Variants in GPR89B observed in about 807,000 individuals in gnomAD.
GPR89B encodes golgi pH regulator B.
In GPR89B, 25 loss-of-function variants were observed where a neutral mutation model predicts 52.4. That is an observed-to-expected ratio of 0.48 (90% CI 0.35 to 0.67). GPR89B has a LOEUF of 0.67. Among genes scored for constraint, GPR89B ranks in the 30% least tolerant of loss-of-function variants. The pLI is 0.01. For synonymous variants in GPR89B, 52 were observed against 151.2 expected (o/e 0.34, Z 4.81); for missense variants, 146 against 450.2 (o/e 0.32, Z 6.11).
chr1:147,928,671 C>G lies in GPR89B; in HGVS notation c.42+93C>G, dbSNP rs587742123. 735 of 1,542,810 alleles carry G rather than the reference C, an allele frequency of 4.8e-4. 13 individuals are homozygous for G. In the South Asian group the frequency reaches 8.0e-3, roughly 17 times the overall value. On this transcript the variant is annotated intron_variant, in intron 1 of 13. Transcript: ENST00000314163. The stretch of plus-strand genomic sequence containing the variant: ...CGCGGTGCGGGCTGGTCCGGGGTCT[C>G]GCTCCTCTCTTACGCGGCCTGCGCC...
At position 147,943,418 on chromosome 1, in the gene GPR89B, G is replaced by A. The variant is rs1654710327; in HGVS notation, c.207-20G>A. Reference sequence around the variant, plus strand: ...CTGCCCTCTCTTCCTCCCAGTGACAGTCTTTGACATTTATTTCAGCTCCCG... The same window carrying A: ...CTGCCCTCTCTTCCTCCCAGTGACAATCTTTGACATTTATTTCAGCTCCCG... On this transcript the variant is annotated intron_variant, in intron 3 of 13. Transcript: ENST00000314163. The A allele has an allele frequency of 6.2e-7, 1 of 1,602,726 alleles. No individual in the cohort carries two copies. The highest frequency in any genetic ancestry group is 8.5e-7 in the Non-Finnish European group (1 of 1,173,510).
intron 5 of GPR89B, among the ~76,000 whole-genome samples, chr1:147,945,699 T>A (rs1225820147): frequency 1.2e-4 from 18 of 151,890 alleles, no homozygotes; most frequent in African/African-American, 4.3e-4. Flanking sequence ...TGTTGCATTC[T>A]CCAGTCCTGT....
chr1:147,983,284 G>T (rs1441128367), intron 10 of GPR89B, among the ~76,000 whole-genome samples: 6 of 152,070 alleles, frequency 3.9e-5, no homozygotes, highest in Non-Finnish European at 8.8e-5. Flanking sequence ...ATGTCTAAAA[G>T]CATACCAAAA....
At chr1:147,989,421 T>A (rs1658894886) in intron 12 of GPR89B, among the ~76,000 whole-genome samples, 1 of 151,220 alleles carries the variant, frequency 6.6e-6, no homozygotes, top group Non-Finnish European at 1.5e-5. Context: ...TGAATTCAAC[T>A]ATTTTCTTTT....
chr1:147,973,117 G>A (rs1183940832), intron 10 of GPR89B, among the ~76,000 whole-genome samples: 1 of 151,882 alleles, frequency 6.6e-6, no homozygotes, highest in Non-Finnish European at 1.5e-5. Flanking sequence ...GCTGCAGTGG[G>A]CGTACATGTG....
At chr1:147,976,967 G>A (rs1432510329) in intron 10 of GPR89B, among the ~76,000 whole-genome samples, 4 of 151,752 alleles carry the variant, frequency 2.6e-5, no homozygotes, top group African/African-American at 7.3e-5. Context: ...GGGCGTGGTG[G>A]CTCACGCCGG....
chr1:147,968,603 A>G, intron 8 of GPR89B: 1 of 550,286 alleles, frequency 1.8e-6, no homozygotes, highest in Non-Finnish European at 3.3e-6. Context: ...AAATCAAAAA[A>G]CAAATGAAAC....
At chr1:147,941,078 C>T (rs1654521526) in intron 3 of GPR89B, among the ~76,000 whole-genome samples, 1 of 149,984 alleles carries the variant, frequency 6.7e-6, no homozygotes, top group African/African-American at 2.5e-5. Context: ...GTATAACTGT[C>T]CATTGACTGG....
chr1:147,969,758 A>AT, intron 9 of GPR89B, 109 bp from the exon 10 acceptor site: 1 of 1,501,472 alleles, frequency 6.7e-7, no homozygotes, highest in Non-Finnish European at 8.9e-7. Context: ...ATTGCAATGT[A>AT]TGGTTTTTTG....
intron 10 of GPR89B, among the ~76,000 whole-genome samples, chr1:147,978,213 C>A (rs1191693627): frequency 1.3e-5 from 2 of 151,768 alleles, no homozygotes; most frequent in African/African-American, 4.9e-5. Flanking sequence ...TTGTTGCTTT[C>A]TGTTTGTTTG....
At chr1:148,002,363 A>T in the GPR89B span, among the ~76,000 whole-genome samples, 2 of 151,976 alleles carry the variant, frequency 1.3e-5, no homozygotes, top group African/African-American at 2.4e-5. Flanking sequence ...TCCTGCCTAG[A>T]ATTCTACCTA....
the GPR89B span, chr1:148,011,906 G>A: frequency 6.6e-6 from 1 of 152,122 alleles, no homozygotes; most frequent in Non-Finnish European, 1.5e-5. Flanking sequence ...TGGATCTGAG[G>A]GGCATTGGGG....
chr1:147,949,900 A>G (rs1655446438), intron 5 of GPR89B, among the ~76,000 whole-genome samples: 2 of 119,978 alleles, frequency 1.7e-5, no homozygotes, highest in South Asian at 2.7e-4. Context: ...CACCTCCCGG[A>G]CGGGGCGGCT....
intron 5 of GPR89B, among the ~76,000 whole-genome samples, chr1:147,952,757 A>G (rs1655816929): frequency 6.6e-6 from 1 of 151,602 alleles, no homozygotes; most frequent in Non-Finnish European, 1.5e-5. Context: ...CTCACGTGAT[A>G]TGAAACAATT....
the GPR89B span, among the ~76,000 whole-genome samples, chr1:148,018,552 T>G: frequency 6.6e-6 from 1 of 151,426 alleles, no homozygotes; most frequent in African/African-American, 2.4e-5. Flanking sequence ...ATAACACTAA[T>G]TACTGCTAAT....
the GPR89B span, among the ~76,000 whole-genome samples, chr1:148,003,156 A>G: frequency 2.0e-5 from 3 of 152,198 alleles, no homozygotes; most frequent in Non-Finnish European, 4.4e-5. Flanking sequence ...AACCAAATTA[A>G]TATTTGATAA....
chr1:147,971,675 T>G (rs1296943750), intron 10 of GPR89B, among the ~76,000 whole-genome samples: 4 of 150,552 alleles, frequency 2.7e-5, no homozygotes, highest in Non-Finnish European at 5.9e-5. Context: ...AGAGACAGGG[T>G]TTCACCATCT....
intron 7 of GPR89B, among the ~76,000 whole-genome samples, chr1:147,955,309 G>A (rs1656037622): frequency 2.0e-5 from 3 of 151,964 alleles, no homozygotes; most frequent in Non-Finnish European, 4.4e-5. Context: ...TTCTGTTGCT[G>A]CACATATAGA....
the GPR89B span, among the ~76,000 whole-genome samples, chr1:148,017,521 T>G: frequency 2.0e-5 from 3 of 149,024 alleles, 1 homozygote; most frequent in African/African-American, 7.4e-5. Flanking sequence ...GATCACGAGG[T>G]CAGGAGATCG....
Sources: allele counts gnomAD v4.1 joint callset (sites outside exome capture counted in the v4.1 genomes callset), GRCh38; gene constraint gnomAD v4.1.1; transcripts MANE v1.5; gene names NCBI Gene and HGNC (gene_info 2026-07-23, HGNC 2026-07-21).